EIF3A: variants seen among roughly 807,000 people sequenced by gnomAD.
EIF3A encodes EIF3, p180 subunit.
EIF3A carries 21 observed loss-of-function variants against 186.6 expected under a neutral mutation model. The observed-to-expected ratio is 0.11, with a 90% CI of 0.08 to 0.16. The LOEUF is 0.16. Among genes scored for constraint, EIF3A ranks in the 10% least tolerant of loss-of-function variants. The pLI, the probability that EIF3A is intolerant of heterozygous loss-of-function variation, is 1.00. For synonymous variants in EIF3A, 563 were observed against 584.3 expected, an observed-to-expected ratio of 0.96 and a Z score of 0.52; for missense variants, 1,306 against 1,796.3, an observed-to-expected ratio of 0.73 and a Z score of 4.93.
chr10:119,077,556 A>AT (rs34768236), intron 1 of EIF3A, among the ~76,000 whole-genome samples: 5,276 of 142,408 alleles, frequency 0.037, 201 homozygotes, highest in African/African-American at 0.1. Flanking sequence ...GTTCCTCCGA[A>AT]TTTTTTTTTT....
intron 14 of EIF3A, among the ~76,000 whole-genome samples, chr10:119,053,334 T>G (rs1226180933): frequency 6.6e-6 from 1 of 152,100 alleles, no homozygotes; most frequent in Non-Finnish European, 1.5e-5. Context: ...CCTTTGATGC[T>G]CTCAAGCTAG....
At chr10:119,048,002 CCA>C (rs1251808452) in intron 17 of EIF3A, among the ~76,000 whole-genome samples, 1 of 151,852 alleles carries the variant, frequency 6.6e-6, no homozygotes, top group South Asian at 2.1e-4. Context: ...CAGACAGATG[CCA>C]CAGACACAGA....
At chr10:119,074,439 T>C (rs1844124465) in intron 1 of EIF3A, among the ~76,000 whole-genome samples, 1 of 150,614 alleles carries the variant, frequency 6.6e-6, no homozygotes, top group Non-Finnish European at 1.5e-5. Flanking sequence ...CACTCCAGCC[T>C]GGGTGACAAG....
intron 17 of EIF3A, among the ~76,000 whole-genome samples, chr10:119,045,862 C>T (rs541185568): frequency 3.9e-5 from 6 of 152,244 alleles, no homozygotes; most frequent in East Asian, 1.9e-4. Context: ...CCAATGTGCC[C>T]GGCCCAGCAG....
Position 119,045,526 on chromosome 10 carries a change from C to A in EIF3A, c.2659-1384G>T, listed in dbSNP as rs556015118. Among the ~76,000 whole-genome samples, 4 of 152,282 alleles carry A rather than the reference C, an allele frequency of 2.6e-5. No homozygotes were observed. In the East Asian group the frequency reaches 7.7e-4, roughly 29 times the overall value. On this transcript the variant is annotated intron_variant, in intron 17 of 21. Coordinates refer to ENST00000369144, the MANE Select transcript of EIF3A (RefSeq NM_003750.4). ...AGGCCAAGCTTCTCCCACCCCCATGCCTGCTTTGCAATTTATACTCAACAA... is the reference window on the plus strand; with the variant it reads ...AGGCCAAGCTTCTCCCACCCCCATGACTGCTTTGCAATTTATACTCAACAA...
rs141977468 is a variant in EIF3A, at chr10:119,034,651, C to G, written c.*1388G>C. ...ATCAATACTCCCTCTTCTGGCCCTA[C>G]AGCTGTACCAATAGGAATTCTCACC... On this transcript the variant is annotated 3_prime_UTR_variant, in exon 22 of 22. Transcript: ENST00000369144. The G allele has an allele frequency of 3.3e-5, 5 of 152,234 alleles. No individual in the cohort carries two copies. 9.4% of individuals were successfully genotyped at this position (152,234 alleles called of 1,614,324 possible).
At chr10:119,065,020 A>G (rs1188176434) in intron 7 of EIF3A, among the ~76,000 whole-genome samples, 1 of 152,026 alleles carries the variant, frequency 6.6e-6, no homozygotes, top group Admixed American at 6.6e-5. Context: ...TCGGGTATAT[A>G]TAGCAGTGCG....
intron 17 of EIF3A, among the ~76,000 whole-genome samples, chr10:119,045,227 G>A (rs980001850): frequency 6.6e-6 from 1 of 152,070 alleles, no homozygotes; most frequent in South Asian, 2.1e-4. Flanking sequence ...TTATAGGTGT[G>A]AGCCACCACG....
chr10:119,071,248 A>G (rs1844065244), intron 4 of EIF3A, among the ~76,000 whole-genome samples, 163 bp from the exon 5 acceptor site: 2 of 152,320 alleles, frequency 1.3e-5, no homozygotes, highest in Admixed American at 6.5e-5. Flanking sequence ...CATCCAGACT[A>G]CCTTTTTGAG....
chr10:119,056,439 T>A (rs1378456938), intron 14 of EIF3A, among the ~76,000 whole-genome samples: 1 of 152,208 alleles, frequency 6.6e-6, no homozygotes, highest in African/African-American at 2.4e-5. Flanking sequence ...GGCTGCACAA[T>A]TCTGCAAGTA....
chr10:119,080,758 G>C lies in EIF3A; in HGVS notation c.-82C>G, dbSNP rs1028252108. 3 of 1,529,696 alleles carry C rather than the reference G, an allele frequency of 2.0e-6. No homozygotes were observed. The highest frequency in any genetic ancestry group is 2.6e-5 in the East Asian group (1 of 38,296). 94.8% of individuals were successfully genotyped at this position (1,529,696 alleles called of 1,614,324 possible). A position where few individuals can be genotyped will look rare whatever the true frequency, so the allele number is the denominator to read the frequency against. On this transcript the variant is annotated 5_prime_UTR_variant, in exon 1 of 22. Transcript: ENST00000369144. Reference sequence around the variant, plus strand: ...GGAGAGGAGACGAAGGGGAACCAGCGTAAGGTCCCACGCGCCTCGCCAGCA... The same window carrying C: ...GGAGAGGAGACGAAGGGGAACCAGCCTAAGGTCCCACGCGCCTCGCCAGCA...
intron 6 of EIF3A, among the ~76,000 whole-genome samples, chr10:119,068,990 A>T (rs1844029503): frequency 7.0e-6 from 1 of 143,582 alleles, no homozygotes; most frequent in Non-Finnish European, 1.6e-5. Flanking sequence ...AAAAAAAAAA[A>T]GAAAAGGAAA....
intron 1 of EIF3A, chr10:119,080,329 G>A: frequency 1.0e-6 from 1 of 985,462 alleles, no homozygotes; most frequent in Non-Finnish European, 1.2e-6. Context: ...CAAGGAGGGA[G>A]CTCCAGTCCG....
chr10:119,038,481 AAAG>A, intron 19 of EIF3A, 42 bp from the exon 20 acceptor site: 2 of 1,525,310 alleles, frequency 1.3e-6, no homozygotes, highest in Non-Finnish European at 1.8e-6. Flanking sequence ...AATATTTTTA[AAAG>A]AAGAAACAGA....
rs763725528 is a variant in EIF3A at position 119,058,230 on chromosome 10, A to T, written c.1703T>A (p.Ile568Asn). The change falls in exon 12 of 22, where the codon ATC (isoleucine) becomes AAC (asparagine). Residue 568 changes from isoleucine to asparagine, a missense_variant. Transcript: ENST00000369144. ...LKNSRKEHQR[I>N]LARRQTIEER... ...CTCAATTGTCTGGCGGCGAGCCAGG[A>T]TCCGCTGGTGCTCTTTTCGTGAATT... The T allele has an allele frequency of 8.1e-6, 13 of 1,613,308 alleles. No homozygotes were observed. The highest frequency in any genetic ancestry group is 1.0e-5 in the Non-Finnish European group (12 of 1,179,762).
Position 119,042,445 on chromosome 10 carries a change from G to A in EIF3A, c.3075C>T (p.Asp1025=). Residue 1025 remains aspartate (D), a synonymous_variant, in exon 19 of 22, where the codon GAC becomes GAT. Transcript: ENST00000369144. This position sits in a 1 kb window ranked among gnomAD's most constrained non-coding sequence, Gnocchi z 7.8. ...CATCAGCTGTTCGCCAGCTTCCTCT[G>A]TCCTCATCCAGTCCTCGTCTAGGTG... ...DRPPRRGLDE[D]RGSWRTADED... The A allele has an allele frequency of 1.2e-6, 2 of 1,614,068 alleles. No individual in the cohort carries two copies. The highest frequency in any genetic ancestry group is 2.2e-5 in the East Asian group (1 of 44,878).
chr10:119,033,789 A>G lies in EIF3A; in HGVS notation c.*2250T>C, dbSNP rs1848088020. 6.0e-6 allele frequency: 1 copy of G among 167,030 alleles called. No individual in the cohort carries two copies. Among genetic ancestry groups the G allele is most frequent in the South Asian group, 2.1e-4 (1 of 4,830 alleles). The allele number at this position is 167,030 out of a possible 1,614,324, so 10.3% of individuals were successfully genotyped here. ...CCTGATTTTCTAATCGTAGCCACTCAAGGAACAGTCCTTTCATAGTACCCC... is the reference window on the plus strand; with the variant it reads ...CCTGATTTTCTAATCGTAGCCACTCGAGGAACAGTCCTTTCATAGTACCCC... On this transcript the variant is annotated 3_prime_UTR_variant, in exon 22 of 22. Transcript: ENST00000369144.
intron 3 of EIF3A, 36 bp from the exon 4 acceptor site, chr10:119,073,089 A>C: frequency 6.4e-7 from 1 of 1,569,448 alleles, no homozygotes; most frequent in Non-Finnish European, 8.6e-7. Context: ...AATTTTAGAC[A>C]GTTTCCTACT....
chr10:119,059,164 A>G (rs1449275036), intron 11 of EIF3A, 48 bp downstream of exon 11: 3 of 1,485,586 alleles, frequency 2.0e-6, no homozygotes, highest in Admixed American at 3.6e-5. Context: ...CATGGCGTTA[A>G]GAGTCCCTCA....
Sources: gnomAD v4.1 joint callset for allele counts (sites outside exome capture counted in the v4.1 genomes callset) on GRCh38, gnomAD v4.1.1 for gene constraint, Gnocchi (gnomAD v3.1) non-coding constraint, MANE v1.5 for transcripts, NCBI Gene and HGNC (gene_info 2026-07-23, HGNC 2026-07-21) for gene names.